PDE5A: variants seen among roughly 807,000 people sequenced by gnomAD.
PDE5A encodes cGMP-specific 3',5'-cyclic phosphodiesterase.
A neutral mutation model predicts 110.2 loss-of-function variants in PDE5A; 67 were observed. That is an observed-to-expected ratio of 0.61 (90% CI 0.50 to 0.75). The LOEUF is 0.75. Ranked by LOEUF, PDE5A falls within the 30% of genes least tolerant of loss-of-function variation. The probability of loss-of-function intolerance (pLI) is 0.00; values close to 1 mark genes in which losing one functional copy is unlikely to be tolerated. For missense variants in PDE5A, 862 were observed against 1,045.1 expected (o/e 0.82, Z 2.42); for synonymous variants, 328 against 351.2 (o/e 0.93, Z 0.74).
At position 119,627,325 on chromosome 4, in the gene PDE5A, C is replaced by A; in HGVS notation, c.152+1195G>T. 8.6e-7 allele frequency: 1 copy of A among 1,168,558 alleles called. No homozygotes were observed. The highest frequency in any genetic ancestry group is 1.6e-5 in the African/African-American group (1 of 62,270). 72.4% of individuals were successfully genotyped at this position (1,168,558 alleles called of 1,614,324 possible). A position where few individuals can be genotyped will look rare whatever the true frequency, so the allele number is the denominator to read the frequency against. ...CCCCGGCCTCCGCGCCGCCGCCCGT[C>A]GCCTCCCGCTCGCCCCGCGCTGCGC... On this transcript the variant is annotated intron_variant, in intron 1 of 20. Coordinates refer to ENST00000354960, the MANE Select transcript of PDE5A (RefSeq NM_001083.4). The surrounding 1 kb of genome is among the most constrained non-coding windows in gnomAD (Gnocchi z 4.6).
rs186956795 is a variant in PDE5A, at chr4:119,496,178, T to C, written c.*2423A>G. 1.3e-5 allele frequency: 2 copies of C among 152,252 alleles called. No individual in the cohort carries two copies. Among genetic ancestry groups the C allele is most frequent in the African/African-American group, 4.8e-5 (2 of 41,556 alleles). 9.4% of individuals were successfully genotyped at this position (152,252 alleles called of 1,614,324 possible). A position where few individuals can be genotyped will look rare whatever the true frequency, so the allele number is the denominator to read the frequency against. ...GGCTAAAAATTGTAATTAAATGGTA[T>C]GTTACTCTGTTATAACTAAACAAAC... is the stretch of plus-strand genomic sequence containing the variant. On this transcript the variant is annotated 3_prime_UTR_variant, in exon 21 of 21. Transcript: ENST00000354960.
In PDE5A at chr4:119,525,737, AAGC is replaced by A; in HGVS notation, c.1633-45_1633-43del. 5 of 1,575,462 alleles carry A rather than the reference AAGC, an allele frequency of 3.2e-6. No homozygotes were observed. The highest frequency in any genetic ancestry group is 4.3e-6 in the Non-Finnish European group (5 of 1,158,160). On this transcript the variant is annotated intron_variant, in intron 11 of 20. Coordinates refer to ENST00000354960, the MANE Select transcript of PDE5A (RefSeq NM_001083.4). This position sits in a 1 kb window ranked among gnomAD's most constrained non-coding sequence, Gnocchi z 4.3. Reference sequence around the variant, plus strand: ...AGAAAAAAAAAAATGCTGTTAATTAAAGCAGCAGTGATTTGCAAGGTTTTCTTG... The same window carrying A: ...AGAAAAAAAAAAATGCTGTTAATTAAAGCAGTGATTTGCAAGGTTTTCTTG...
intron 14 of PDE5A, among the ~76,000 whole-genome samples, chr4:119,516,566 A>AT (rs1271859056): frequency 1.3e-5 from 2 of 151,960 alleles, no homozygotes; most frequent in African/African-American, 4.8e-5. Context: ...CACTTTAGCT[A>AT]TTTTGTTCCT....
chr4:119,626,919 A>AAAACC (rs1553931464), intron 1 of PDE5A, among the ~76,000 whole-genome samples: 48 of 151,298 alleles, frequency 3.2e-4, no homozygotes, highest in African/African-American at 1.2e-3. Flanking sequence ...TCCTTAGGAA[A>AAAACC]AAAACAAAAC....
chr4:119,544,698 A>T (rs953628198), intron 9 of PDE5A, among the ~76,000 whole-genome samples: 2 of 152,216 alleles, frequency 1.3e-5, no homozygotes, highest in African/African-American at 4.8e-5. Flanking sequence ...TACTACACGT[A>T]TAGCAAGAAA....
At chr4:119,503,922 C>A (rs1038353476) in intron 18 of PDE5A, among the ~76,000 whole-genome samples, 1 of 151,136 alleles carries the variant, frequency 6.6e-6, no homozygotes, top group Admixed American at 6.6e-5. Flanking sequence ...TCAGAAGCTA[C>A]CTTTAAGAGT....
At chr4:119,599,842 T>C (rs1384884291) in intron 2 of PDE5A, among the ~76,000 whole-genome samples, 2 of 151,970 alleles carry the variant, frequency 1.3e-5, no homozygotes, top group Non-Finnish European at 2.9e-5. Context: ...ACCTTAAGCT[T>C]ACACACATGG....
In PDE5A at chr4:119,504,528, T is replaced by G; in HGVS notation, c.2331+8A>C. 1 of 1,605,726 alleles carries G rather than the reference T, an allele frequency of 6.2e-7. No homozygotes were observed. The highest frequency in any genetic ancestry group is 2.2e-5 in the East Asian group (1 of 44,768). On this transcript the variant is annotated splice_region_variant and intron_variant, in intron 18 of 20. Coordinates refer to ENST00000354960, the MANE Select transcript of PDE5A (RefSeq NM_001083.4). ...TTTAATTATTGTTATTGTCACTAAG[T>G]AACATACCCGTTGTTGAATAGGCCA...
chr4:119,586,360 C>T (rs1377514893), intron 3 of PDE5A, among the ~76,000 whole-genome samples: 1 of 152,146 alleles, frequency 6.6e-6, no homozygotes, highest in Non-Finnish European at 1.5e-5. Context: ...TTAGCATAGA[C>T]TATTAATTTC....
chr4:119,517,803 C>A (rs1725969259), intron 14 of PDE5A, among the ~76,000 whole-genome samples: 1 of 151,654 alleles, frequency 6.6e-6, no homozygotes, highest in South Asian at 2.1e-4. Flanking sequence ...TTATTCTGAT[C>A]TTTTGGTTGT....
intron 1 of PDE5A, 106 bp from the exon 2 acceptor site, chr4:119,607,403 G>C: frequency 1.4e-6 from 1 of 696,848 alleles, no homozygotes; most frequent in Non-Finnish European, 2.4e-6. Context: ...ATAATAATTT[G>C]ATATGTTATA....
At chr4:119,612,001 T>A (rs1729768605) in intron 1 of PDE5A, among the ~76,000 whole-genome samples, 2 of 152,338 alleles carry the variant, frequency 1.3e-5, no homozygotes, top group South Asian at 4.1e-4. Context: ...CGCTGATTTT[T>A]AAAAAATACT....
chr4:119,519,073 G>A lies in PDE5A; in HGVS notation c.1972C>T (p.Arg658Cys). Residue 658 changes from arginine to cysteine, a missense_variant, in exon 14 of 21, where the codon CGT (arginine) becomes TGT (cysteine). Arg to Cys is a radical substitution (Grantham distance 180). Coordinates refer to ENST00000354960, the MANE Select transcript of PDE5A (RefSeq NM_001083.4). ...TGTATGTAAGAGTTATTCACACCAC[G>A]GTGATCCAAATCGTGGCTTAGTGCA... ...IAALSHDLDH[R>C]GVNNSYIQRS... 1 of 1,613,462 alleles carries A rather than the reference G, an allele frequency of 6.2e-7. No homozygotes were observed. The highest frequency in any genetic ancestry group is 8.5e-7 in the Non-Finnish European group (1 of 1,179,492).
chr4:119,557,604 T>C lies in PDE5A; in HGVS notation c.1199+2692A>G, dbSNP rs183192590. ...AAATAAAAAAAAAATCAAAGAGACA[T>C]GGAAATAATAGCTAACACTTACTGA... is the stretch of plus-strand genomic sequence containing the variant. On this transcript the variant is annotated intron_variant, in intron 7 of 20. Transcript: ENST00000354960. Among the ~76,000 whole-genome samples, 82 of 152,204 alleles carry C rather than the reference T, an allele frequency of 5.4e-4. 1 individual carries two copies. Among genetic ancestry groups the C allele is most frequent in the African/African-American group, 2.0e-3 (81 of 41,534 alleles).
chr4:119,622,864 G>GAAAAAAAAAA (rs369291602), intron 1 of PDE5A, among the ~76,000 whole-genome samples: 7 of 97,266 alleles, frequency 7.2e-5, no homozygotes, highest in Admixed American at 1.3e-4. Flanking sequence ...ACTCCGTCTC[G>GAAAAAAAAAA]AAAAAAAAAA....
chr4:119,541,492 A>T (rs1726926356), intron 10 of PDE5A, among the ~76,000 whole-genome samples: 1 of 151,994 alleles, frequency 6.6e-6, no homozygotes, highest in Non-Finnish European at 1.5e-5. Flanking sequence ...TATATATTCA[A>T]AGTCTTTTAT....
Position 119,607,093 on chromosome 4 carries a change from C to T in PDE5A, c.357G>A (p.Glu119=), listed in dbSNP as rs377697778. Residue 119 remains glutamate, a synonymous_variant, in exon 2 of 21, where the codon GAG becomes GAA. Transcript: ENST00000354960. ...AGTCAGAGAGGAAGCTCACAGTTCC[C>T]TCAGAATCCTTGACAACAATGGGTC... ...PLRPIVVKDS[E]GTVSFLSDSE... 2 of 1,614,166 alleles carry T rather than the reference C, an allele frequency of 1.2e-6. No individual in the cohort carries two copies.
chr4:119,568,693 A>C (rs1728034390), intron 3 of PDE5A, among the ~76,000 whole-genome samples: 1 of 152,166 alleles, frequency 6.6e-6, no homozygotes, highest in South Asian at 2.1e-4. Context: ...ATGACATTTA[A>C]ATTTTTTTTC....
At chr4:119,520,193 C>A (rs572064773) in intron 13 of PDE5A, among the ~76,000 whole-genome samples, 1 of 152,064 alleles carries the variant, frequency 6.6e-6, no homozygotes, top group South Asian at 2.1e-4. Context: ...AAAATGTGCA[C>A]CCTATGAAAG....
Sources: gnomAD v4.1 joint callset for allele counts (sites outside exome capture counted in the v4.1 genomes callset) on GRCh38, gnomAD v4.1.1 for gene constraint, Gnocchi (gnomAD v3.1) non-coding constraint, MANE v1.5 for transcripts, NCBI Gene and HGNC (gene_info 2026-07-23, HGNC 2026-07-21) for gene names.